The following ANK2 variants were observed in gnomAD, a reference collection of about 807,000 sequenced individuals.
ANK2 encodes the protein ankyrin 2.
A neutral mutation model predicts 360.5 loss-of-function variants in ANK2; 83 were observed. The ratio of observed to expected loss-of-function variants is 0.23; its 90% CI spans 0.19 to 0.28. The LOEUF is 0.28. ANK2 is among the 10% of genes least tolerant of loss of function. The pLI is 1.00. For synonymous variants in ANK2, 1,740 were observed against 1,759.5 expected, an observed-to-expected ratio of 0.99 and a Z score of 0.28; for missense variants, 4,201 against 4,795.7, an observed-to-expected ratio of 0.88 and a Z score of 3.66.
At chr4:112,830,464 G>A (rs1172784554) in intron 1 of ANK2, among the ~76,000 whole-genome samples, 1 of 152,170 alleles carries the variant, frequency 6.6e-6, no homozygotes, top group Non-Finnish European at 1.5e-5. Flanking sequence ...AAATACACAT[G>A]GACATAAAGA....
intron 1 of ANK2, among the ~76,000 whole-genome samples, chr4:113,157,557 C>A (rs1392531378): frequency 6.6e-6 from 1 of 152,206 alleles, no homozygotes; most frequent in African/African-American, 2.4e-5. Flanking sequence ...GAAAAGAAAT[C>A]TTGGTATTCC....
the ANK2 span, among the ~76,000 whole-genome samples, chr4:112,714,472 C>T: frequency 3.3e-5 from 5 of 152,140 alleles, no homozygotes; most frequent in East Asian, 3.9e-4. Context: ...CGTGAGCCAC[C>T]GCACCCAGCC....
At chr4:112,796,962 C>T in the ANK2 span, 2 of 153,272 alleles carry the variant, frequency 1.3e-5, no homozygotes, top group East Asian at 1.8e-4. Flanking sequence ...AATGTATTCC[C>T]TCATTTGGCT....
At position 112,973,322 on chromosome 4, in the gene ANK2, G is replaced by A. The variant is rs138710759; in HGVS notation, c.21+68808G>A. ...TTTCACAAAACTCTAGCAAATAGGC[G>A]TGGCAGAGCATTTTTATCACTCTTT... On this transcript the variant is annotated intron_variant, in intron 2 of 30. Transcript: ENST00000503271. Among the ~76,000 whole-genome samples, 1,083 of 152,184 alleles carry A rather than the reference G, an allele frequency of 7.1e-3. 6 individuals carry two copies. The highest frequency in any genetic ancestry group is 0.017 in the South Asian group (82 of 4,820).
chr4:113,330,642 G>A (rs970918196), intron 27 of ANK2, among the ~76,000 whole-genome samples, 172 bp downstream of exon 27: 14 of 152,120 alleles, frequency 9.2e-5, no homozygotes, highest in Admixed American at 3.3e-4. Flanking sequence ...CCACTTACAC[G>A]CCTCTTATTT....
At chr4:113,051,454 A>G (rs1234759303) in intron 1 of ANK2, among the ~76,000 whole-genome samples, 2 of 152,206 alleles carry the variant, frequency 1.3e-5, no homozygotes, top group Non-Finnish European at 2.9e-5. Flanking sequence ...AATAACTATC[A>G]TATCTTTAAG....
intron 2 of ANK2, among the ~76,000 whole-genome samples, chr4:113,183,436 C>T (rs562044020): frequency 1.3e-5 from 2 of 152,046 alleles, no homozygotes; most frequent in African/African-American, 2.4e-5. Flanking sequence ...TTATATATAG[C>T]CAGGAATGTG....
rs2092090662 is a variant in ANK2 at position 113,330,447 on chromosome 4, A to C, written c.3102A>C (p.Gly1034=). The C allele has an allele frequency of 6.2e-7, 1 of 1,614,170 alleles. No homozygotes were observed. Among genetic ancestry groups the C allele is most frequent in the Non-Finnish European group, 8.5e-7 (1 of 1,180,022 alleles). ...EGLASRLIEV[G]PSGAQFLGKL... ...TGGCCAGTCGCCTGATCGAAGTTGGACCTTCTGGTGCTCAGTTCCTTGGGT... is the reference window on the plus strand; with the variant it reads ...TGGCCAGTCGCCTGATCGAAGTTGGCCCTTCTGGTGCTCAGTTCCTTGGGT... Residue 1034 remains glycine (G), a synonymous_variant, in exon 27 of 46, where the codon GGA becomes GGC. Coordinates refer to ENST00000357077, the MANE Select transcript of ANK2 (RefSeq NM_001148.6).
chr4:113,149,562 G>A (rs144952051), intron 1 of ANK2, among the ~76,000 whole-genome samples: 1 of 152,126 alleles, frequency 6.6e-6, no homozygotes, highest in African/African-American at 2.4e-5. Flanking sequence ...ATATGGTTAT[G>A]TAACTTTTAG....
chr4:113,140,046 T>C (rs765126826), intron 1 of ANK2, among the ~76,000 whole-genome samples: 3 of 151,942 alleles, frequency 2.0e-5, no homozygotes, highest in Middle Eastern at 3.2e-3. Flanking sequence ...GTTTCCCTGA[T>C]TGATCAGTTA....
intron 2 of ANK2, among the ~76,000 whole-genome samples, chr4:113,015,227 G>C (rs1350132628): frequency 6.6e-6 from 1 of 152,266 alleles, no homozygotes; most frequent in Non-Finnish European, 1.5e-5. Context: ...GCACATAATA[G>C]TGTCTAACTT....
the ANK2 span, among the ~76,000 whole-genome samples, chr4:112,748,572 C>G: frequency 6.6e-6 from 1 of 152,260 alleles, no homozygotes; most frequent in Admixed American, 6.5e-5. Flanking sequence ...TAATTTTATG[C>G]ACAGACAGCA....
chr4:113,092,838 A>G (rs2089172405), intron 1 of ANK2, among the ~76,000 whole-genome samples: 2 of 152,194 alleles, frequency 1.3e-5, no homozygotes, highest in Non-Finnish European at 2.9e-5. Flanking sequence ...GGTGCGCTAT[A>G]TAATCTTATT....
intron 1 of ANK2, among the ~76,000 whole-genome samples, chr4:112,851,940 A>C (rs2065105525): frequency 1.3e-5 from 2 of 152,154 alleles, no homozygotes; most frequent in South Asian, 4.1e-4. Context: ...TTTTCTTTAA[A>C]ATACTTCTTT....
In ANK2 at chr4:113,150,964, G is replaced by GAAAATACCT. The variant is rs2097052832; in HGVS notation, c.85-23450_85-23449insAATACCTAA. 6.4e-5 allele frequency: 54 copies of GAAAATACCT among 846,384 alleles called. No individual in the cohort carries two copies. The South Asian group carries it at 8.0e-4, about 13-fold the overall frequency. The allele number at this position is 846,384 out of a possible 1,614,324, so 52.4% of individuals were successfully genotyped here. On this transcript the variant is annotated intron_variant, in intron 1 of 45. Transcript: ENST00000357077. ...GCATATCATAAGCTCTATTTTCTTT[G>GAAAATACCT]AAGTTCCTACCAGCTAATAGGTACT...
the ANK2 span, among the ~76,000 whole-genome samples, chr4:112,766,319 C>CAA: frequency 6.5e-5 from 8 of 123,604 alleles, no homozygotes; most frequent in South Asian, 5.0e-4. Context: ...GACTCTGTCT[C>CAA]AAAAAAAAAA....
At chr4:113,082,032 C>T (rs1196789261) in intron 1 of ANK2, among the ~76,000 whole-genome samples, 1 of 152,144 alleles carries the variant, frequency 6.6e-6, no homozygotes, top group Non-Finnish European at 1.5e-5. Flanking sequence ...TGGTCTCAAA[C>T]TTCTGACCTC....
At chr4:112,971,760 C>T (rs904307726) in intron 2 of ANK2, among the ~76,000 whole-genome samples, 4 of 152,124 alleles carry the variant, frequency 2.6e-5, no homozygotes, top group Non-Finnish European at 4.4e-5. Context: ...GAATTACACA[C>T]GCCATGGTCC....
chr4:112,930,819 C>T (rs938767573), intron 2 of ANK2, among the ~76,000 whole-genome samples: 5 of 147,350 alleles, frequency 3.4e-5, no homozygotes, highest in Middle Eastern at 3.7e-3. Flanking sequence ...ACCCAGGAGG[C>T]GGAGGTTGCA....
Sources: gnomAD v4.1 joint callset for allele counts (sites outside exome capture counted in the v4.1 genomes callset) on GRCh38, gnomAD v4.1.1 for gene constraint, MANE v1.5 for transcripts, NCBI Gene and HGNC (gene_info 2026-07-23, HGNC 2026-07-21) for gene names.